SNTG1: variants seen among roughly 807,000 people sequenced by gnomAD.
SNTG1 encodes gamma-1-syntrophin.
In SNTG1, 39 loss-of-function variants were observed where a neutral mutation model predicts 74.7. The observed-to-expected ratio is 0.52, with a 90% CI of 0.40 to 0.68. The LOEUF (loss-of-function observed/expected upper bound fraction) is 0.68, where lower values mean the gene tolerates loss of function less well. SNTG1 is among the 30% of genes least tolerant of loss of function. The pLI is 0.00. For missense variants in SNTG1, 685 were observed against 609.5 expected (o/e 1.12, Z -1.30); for synonymous variants, 254 against 217.1 (o/e 1.17, Z -1.49).
chr8:50,513,302 C>T lies in SNTG1; in HGVS notation c.466+10422C>T, dbSNP rs186601670. ...GTTTTGTCTCAGAGGAGTACCTGGC[C>T]GTGTGAGGTGTCAGTCTGCCCCTAC... On this transcript the variant is annotated intron_variant, in intron 9 of 18. Transcript: ENST00000642720. Among the ~76,000 whole-genome samples the T allele has an allele frequency of 2.6e-3, 394 of 151,952 alleles. 1 individual carries two copies. The highest frequency in any genetic ancestry group is 9.0e-3 in the African/African-American group (375 of 41,504).
chr8:50,229,676 G>A (rs924707520), intron 2 of SNTG1, among the ~76,000 whole-genome samples: 6 of 151,098 alleles, frequency 4.0e-5, no homozygotes, highest in Non-Finnish European at 7.4e-5. Context: ...AAGTAACATT[G>A]ATTAAGCAGG....
intron 17 of SNTG1, among the ~76,000 whole-genome samples, chr8:50,724,497 C>A (rs1056430104): frequency 6.6e-6 from 1 of 152,038 alleles, no homozygotes; most frequent in Non-Finnish European, 1.5e-5. Flanking sequence ...ATTATTTTGT[C>A]AAGCATTATT....
chr8:50,765,433 C>T (rs1192493911), intron 18 of SNTG1, among the ~76,000 whole-genome samples: 1 of 151,852 alleles, frequency 6.6e-6, no homozygotes, highest in African/African-American at 2.4e-5. Context: ...AGAGGCAAAC[C>T]CAGAGAACTT....
At chr8:50,553,979 A>G (rs1202890536) in intron 12 of SNTG1, among the ~76,000 whole-genome samples, 3 of 152,122 alleles carry the variant, frequency 2.0e-5, no homozygotes, top group Admixed American at 6.6e-5. Flanking sequence ...CAGAAGTCCT[A>G]AGGGAGATCA....
intron 2 of SNTG1, among the ~76,000 whole-genome samples, chr8:50,351,336 A>G (rs1171230351): frequency 6.6e-6 from 1 of 152,096 alleles, no homozygotes; most frequent in Non-Finnish European, 1.5e-5. Flanking sequence ...ACGTCCCTTC[A>G]CTCACCATTT....
rs532785038 is a variant in SNTG1, at chr8:50,013,468, T to G, written c.-103+101237T>G. On this transcript the variant is annotated intron_variant, in intron 1 of 18. Transcript: ENST00000642720. ...AACCTCCAGAATGGGGATAGAGAGA[T>G]AGATAGATAGATAGATAGATAGATA... Among the ~76,000 whole-genome samples the G allele has an allele frequency of 8.2e-3, 475 of 57,860 alleles. 5 individuals are homozygous for G. The highest frequency in any genetic ancestry group is 0.031 in the African/African-American group (458 of 14,560). The allele number at this position is 57,860 out of a possible 152,430, so 38.0% of individuals were successfully genotyped here.
At chr8:50,196,285 C>A (rs2083766015) in intron 2 of SNTG1, among the ~76,000 whole-genome samples, 1 of 152,100 alleles carries the variant, frequency 6.6e-6, no homozygotes, top group Non-Finnish European at 1.5e-5. Flanking sequence ...TGGCTAGCAA[C>A]TGGTATCTCG....
intron 16 of SNTG1, among the ~76,000 whole-genome samples, chr8:50,707,016 A>G (rs1585601841): frequency 6.6e-6 from 1 of 152,116 alleles, no homozygotes; most frequent in African/African-American, 2.4e-5. Flanking sequence ...TAAACAACAA[A>G]TTAAATATTT....
rs569432968 is a variant in SNTG1, at chr8:50,487,165, A to G, written c.364-15613A>G. 4.1e-4 allele frequency among the ~76,000 whole-genome samples: 62 copies of G among 152,260 alleles called. 1 individual carries two copies. In the East Asian group the frequency reaches 0.01, roughly 25 times the overall value. ...ACCATCTCACACCAGTTAGAATGGC[A>G]ATCATTAAAAAGTCAGGAAACAACA... is the stretch of plus-strand genomic sequence containing the variant. On this transcript the variant is annotated intron_variant, in intron 8 of 18. Transcript: ENST00000642720.
chr8:49,939,394 G>A (rs1256022703), intron 1 of SNTG1, among the ~76,000 whole-genome samples: 2 of 152,130 alleles, frequency 1.3e-5, no homozygotes, highest in African/African-American at 4.8e-5. Context: ...TAAGACCCTT[G>A]TCATTGACCA....
chr8:49,942,195 T>G (rs1180160129), intron 1 of SNTG1, among the ~76,000 whole-genome samples: 1 of 152,164 alleles, frequency 6.6e-6, no homozygotes, highest in Non-Finnish European at 1.5e-5. Context: ...GCCCTATTTG[T>G]CTTGACTGAG....
chr8:50,183,604 G>A (rs545110429), intron 2 of SNTG1, among the ~76,000 whole-genome samples: 3 of 152,006 alleles, frequency 2.0e-5, no homozygotes, highest in East Asian at 1.9e-4. Context: ...CCTTCCCAGC[G>A]TTTTTGCCTT....
chr8:50,070,322 A>T (rs1289647440), intron 1 of SNTG1, among the ~76,000 whole-genome samples: 5 of 152,166 alleles, frequency 3.3e-5, no homozygotes, highest in Non-Finnish European at 4.4e-5. Context: ...CCCATAATTT[A>T]AAAAAATAGC....
chr8:50,088,025 T>C lies in SNTG1; in HGVS notation c.-102-84536T>C, dbSNP rs951878373. Reference sequence around the variant, plus strand: ...CAATTCCCACCTATGAGTGAGAATATGCGGTGTTTGGTTTTTTGTTCTTGT... The same window carrying C: ...CAATTCCCACCTATGAGTGAGAATACGCGGTGTTTGGTTTTTTGTTCTTGT... On this transcript the variant is annotated intron_variant, in intron 1 of 18. Coordinates refer to ENST00000642720, the MANE Select transcript of SNTG1 (RefSeq NM_018967.5). Among the ~76,000 whole-genome samples the C allele has an allele frequency of 3.4e-5, 5 of 146,250 alleles. No individual in the cohort carries two copies. The Admixed American group carries it at 3.5e-4, about 10-fold the overall frequency.
chr8:50,265,375 C>T (rs931021574), intron 2 of SNTG1, among the ~76,000 whole-genome samples: 6 of 151,868 alleles, frequency 4.0e-5, no homozygotes, highest in East Asian at 1.9e-4. Flanking sequence ...TGGAAACCAC[C>T]GGATTTTCTT....
At chr8:50,225,712 G>A (rs1277508878) in intron 2 of SNTG1, among the ~76,000 whole-genome samples, 7 of 152,130 alleles carry the variant, frequency 4.6e-5, no homozygotes, top group Non-Finnish European at 1.0e-4. Context: ...AAATAGGGAG[G>A]ATTTTGAATA....
intron 9 of SNTG1, among the ~76,000 whole-genome samples, chr8:50,507,095 T>C (rs893381809): frequency 4.6e-5 from 7 of 152,128 alleles, no homozygotes; most frequent in African/African-American, 1.7e-4. Context: ...GATTTTTTTT[T>C]CTGCCATTCT....
At chr8:50,759,905 G>C (rs2095593017) in intron 18 of SNTG1, among the ~76,000 whole-genome samples, 2 of 151,960 alleles carry the variant, frequency 1.3e-5, no homozygotes, top group South Asian at 4.1e-4. Context: ...GCTGGACAGG[G>C]ATAGCATGGA....
At chr8:50,319,560 T>C (rs1352619806) in intron 2 of SNTG1, among the ~76,000 whole-genome samples, 1 of 152,004 alleles carries the variant, frequency 6.6e-6, no homozygotes, top group Non-Finnish European at 1.5e-5. Flanking sequence ...GGCCTTTATA[T>C]CTTTATCTTG....
Sources: allele counts gnomAD v4.1 joint callset (sites outside exome capture counted in the v4.1 genomes callset), GRCh38; gene constraint gnomAD v4.1.1; transcripts MANE v1.5; gene names NCBI Gene and HGNC (gene_info 2026-07-23, HGNC 2026-07-21).